The following NUAK2 variants were observed in gnomAD, a reference collection of about 807,000 sequenced individuals.
The protein encoded by NUAK2 is NUAK family SNF1-like kinase 2.
Under a neutral mutation model 29.8 loss-of-function variants are expected in NUAK2, and 20 were observed. The observed-to-expected ratio is 0.67, with a 90% CI of 0.47 to 0.98. The LOEUF (loss-of-function observed/expected upper bound fraction) is 0.98. NUAK2 is among the 50% of genes least tolerant of loss of function. NUAK2 has a pLI of 0.00. For missense variants in NUAK2, 719 were observed against 834.5 expected (o/e 0.86, Z 1.71); for synonymous variants, 331 against 342.6 (o/e 0.97, Z 0.37).
At chr1:205,320,231 C>T (rs1353131347) in intron 1 of NUAK2, among the ~76,000 whole-genome samples, 3 of 148,170 alleles carry the variant, frequency 2.0e-5, no homozygotes, top group African/African-American at 7.6e-5. Flanking sequence ...GAAATTCTCA[C>T]TGCAAGTTCT....
At chr1:205,305,635 G>T in intron 5 of NUAK2, 1 of 402,206 alleles carries the variant, frequency 2.5e-6, no homozygotes, top group Non-Finnish European at 3.4e-6. Flanking sequence ...TAACAGGAAT[G>T]AGGAATGTGA....
chr1:205,310,200 G>A (rs1278459414), intron 2 of NUAK2, among the ~76,000 whole-genome samples: 1 of 152,224 alleles, frequency 6.6e-6, no homozygotes, highest in Non-Finnish European at 1.5e-5. Flanking sequence ...AGGGGGACAG[G>A]AATAAATGGC....
At chr1:205,317,036 G>A (rs957150787) in intron 1 of NUAK2, among the ~76,000 whole-genome samples, 1 of 152,172 alleles carries the variant, frequency 6.6e-6, no homozygotes, top group Admixed American at 6.5e-5. Context: ...CCCTGGAGAA[G>A]GGAATGCCCC....
chr1:205,321,173 A>G (rs2102263192), intron 1 of NUAK2, among the ~76,000 whole-genome samples: 1 of 152,324 alleles, frequency 6.6e-6, no homozygotes, highest in African/African-American at 2.4e-5. Flanking sequence ...TCACAGCAGT[A>G]CGGTGTTGCT....
In NUAK2 at chr1:205,304,012, A is replaced by AG. The variant is rs753375361; in HGVS notation, c.1324dup (p.Leu442ProfsTer26). 3.7e-6 allele frequency: 6 copies of AG among 1,613,854 alleles called. No homozygotes were observed. The East Asian group carries it at 1.1e-4, about 30-fold the overall frequency. Reference sequence around the variant, plus strand: ...CTTGAGAATGCCCTTCTTGGGGAGCAGGGGGGCAGCCTGCCCTGGGCTCGC... The same window carrying AG: ...CTTGAGAATGCCCTTCTTGGGGAGCAGGGGGGGCAGCCTGCCCTGGGCTCGC... On this transcript the variant is annotated frameshift_variant, in exon 7 of 7. Coordinates refer to ENST00000367157, the MANE Select transcript of NUAK2 (RefSeq NM_030952.3). LOFTEE classifies it low-confidence loss of function (END_TRUNC). The surrounding 1 kb of genome is among the most constrained non-coding windows in gnomAD (Gnocchi z 6.5).
chr1:205,306,093 A>G (rs1004774993), intron 5 of NUAK2, 95 bp downstream of exon 5: 83 of 1,465,828 alleles, frequency 5.7e-5, no homozygotes, highest in Non-Finnish European at 6.9e-5. Flanking sequence ...TGCTCTGAAA[A>G]TGTGAATAAC....
At chr1:205,310,589 A>T (rs949841113) in intron 2 of NUAK2, among the ~76,000 whole-genome samples, 2 of 152,152 alleles carry the variant, frequency 1.3e-5, no homozygotes, top group African/African-American at 4.8e-5. Context: ...ACACACATGC[A>T]CACGCACACA....
intron 1 of NUAK2, among the ~76,000 whole-genome samples, chr1:205,314,012 G>A (rs917029034): frequency 6.6e-6 from 1 of 152,222 alleles, no homozygotes; most frequent in Non-Finnish European, 1.5e-5. Flanking sequence ...CCTGCTCGAG[G>A]GGAGGAGCCT....
chr1:205,307,354 G>A (rs1268726676), intron 4 of NUAK2, among the ~76,000 whole-genome samples: 2 of 152,188 alleles, frequency 1.3e-5, no homozygotes, highest in Non-Finnish European at 2.9e-5. Flanking sequence ...GCCTGATTAT[G>A]CGGGTTTACT....
In NUAK2 at chr1:205,303,557, G is replaced by C. The variant is rs377410685; in HGVS notation, c.1780C>G (p.Arg594Gly). ...TCCCCCAAAGGATCCTGCCGCCAGC[G>C]CCTCAGGCAGCTTCCAGGGCCCTCT... ...PSEGPGSCLR[R>G]WRQDPLGDSC... Residue 594 changes from arginine (R) to glycine (G), a missense_variant, in exon 7 of 7, where the codon CGC becomes GGC. Around this residue, in one of 3 missense-constraint regions of NUAK2, gnomAD observed 430 missense variants for 465.7 expected, o/e 0.92. Transcript: ENST00000367157. 1 of 1,613,620 alleles carries C rather than the reference G, an allele frequency of 6.2e-7. No homozygotes were observed. Among genetic ancestry groups the C allele is most frequent in the South Asian group, 1.1e-5 (1 of 91,002 alleles).
rs180705035 is a variant in NUAK2, at chr1:205,303,161, C to A, written c.*289G>T. 6 of 244,132 alleles carry A rather than the reference C, an allele frequency of 2.5e-5. No individual in the cohort carries two copies. Among genetic ancestry groups the A allele is most frequent in the African/African-American group, 6.8e-5 (3 of 44,102 alleles). The allele number at this position is 244,132 out of a possible 1,614,324, so 15.1% of individuals were successfully genotyped here. A position where few individuals can be genotyped will look rare whatever the true frequency, so the allele number is the denominator to read the frequency against. ...AGTTCTCTTTCCAGGTCTCTGTGGC[C>A]CCCCCATGTACACAAGAAACAGGCA... On this transcript the variant is annotated 3_prime_UTR_variant, in exon 7 of 7. Transcript: ENST00000367157.
chr1:205,311,906 T>C (rs1301727059), intron 1 of NUAK2, 81 bp from the exon 2 acceptor site: 4 of 1,580,168 alleles, frequency 2.5e-6, no homozygotes, highest in South Asian at 1.1e-5. Context: ...GGTTTGCCTG[T>C]AGCTGCTATA....
intron 2 of NUAK2, among the ~76,000 whole-genome samples, chr1:205,309,048 A>G (rs1662221344): frequency 6.6e-6 from 1 of 151,554 alleles, no homozygotes; most frequent in African/African-American, 2.4e-5. Context: ...TGGGAATGAA[A>G]GGCCAGGCTC....
At position 205,308,741 on chromosome 1, in the gene NUAK2, A is replaced by C. The variant is rs1405834777; in HGVS notation, c.353-9T>G. 4 of 1,612,922 alleles carry C rather than the reference A, an allele frequency of 2.5e-6. No homozygotes were observed. The highest frequency in any genetic ancestry group is 3.4e-6 in the Non-Finnish European group (4 of 1,179,314). On this transcript the variant is annotated splice_polypyrimidine_tract_variant and intron_variant, in intron 2 of 6. Coordinates refer to ENST00000367157, the MANE Select transcript of NUAK2 (RefSeq NM_030952.3). The surrounding 1 kb of genome is among the most constrained non-coding windows in gnomAD (Gnocchi z 4.1). ...GCTGCTGTTCTCAAACACTGGGCAG[A>C]GCAAGGCAAGGAACGTCAGGCCCTC...
intron 1 of NUAK2, among the ~76,000 whole-genome samples, chr1:205,316,490 C>T (rs1388773108): frequency 6.6e-6 from 1 of 152,162 alleles, no homozygotes; most frequent in Non-Finnish European, 1.5e-5. Flanking sequence ...AGGGAAACCA[C>T]CTCTGGGAGA....
chr1:205,305,096 G>T, intron 6 of NUAK2, 103 bp downstream of exon 6: 2 of 1,445,808 alleles, frequency 1.4e-6, no homozygotes, highest in African/African-American at 1.4e-5. Context: ...GGCCATGATG[G>T]ACTGTTGCCC....
At position 205,303,192 on chromosome 1, in the gene NUAK2, G is replaced by T; in HGVS notation, c.*258C>A. On this transcript the variant is annotated 3_prime_UTR_variant, in exon 7 of 7. Coordinates refer to ENST00000367157, the MANE Select transcript of NUAK2 (RefSeq NM_030952.3). ...ATGTACACAAGAAACAGGCAATGTG[G>T]ACTCTGTCGCGGGCATTCCCGTTCC... is the stretch of plus-strand genomic sequence containing the variant. 3.2e-6 allele frequency: 1 copy of T among 317,106 alleles called. No individual in the cohort carries two copies. The highest frequency in any genetic ancestry group is 8.8e-5 in the South Asian group (1 of 11,314). 19.6% of individuals were successfully genotyped at this position (317,106 alleles called of 1,614,324 possible). A position where few individuals can be genotyped will look rare whatever the true frequency, so the allele number is the denominator to read the frequency against.
chr1:205,314,047 T>C (rs1179147158), intron 1 of NUAK2, among the ~76,000 whole-genome samples: 1 of 152,250 alleles, frequency 6.6e-6, no homozygotes. Flanking sequence ...CACAGGGCTC[T>C]GGAGGCAGAC....
At chr1:205,306,589 AC>A (rs1407797282) in intron 4 of NUAK2, among the ~76,000 whole-genome samples, 1 of 152,092 alleles carries the variant, frequency 6.6e-6, no homozygotes, top group East Asian at 1.9e-4. Flanking sequence ...GCATTCCACT[AC>A]AGAGATGCTG....
Sources: gnomAD v4.1 joint callset for allele counts (sites outside exome capture counted in the v4.1 genomes callset) on GRCh38, gnomAD v4.1.1 for gene constraint, gnomAD v4.1.1 regional missense constraint, Gnocchi (gnomAD v3.1) non-coding constraint, MANE v1.5 for transcripts, NCBI Gene and HGNC (gene_info 2026-07-23, HGNC 2026-07-21) for gene names.